The following RANBP17 variants were observed in gnomAD, a reference collection of about 807,000 sequenced individuals.
RANBP17 encodes the protein RAN binding protein 17.
A neutral mutation model predicts 141.2 loss-of-function variants in RANBP17; 158 were observed. The ratio of observed to expected loss-of-function variants is 1.12; its 90% CI spans 0.98 to 1.28. RANBP17 has a LOEUF of 1.28. Among genes scored for constraint, RANBP17 ranks in the 50% most tolerant of loss-of-function variants. The pLI is 0.00. For synonymous variants in RANBP17, 430 were observed against 450.0 expected (o/e 0.96, Z 0.56); for missense variants, 1,438 against 1,290.7 (o/e 1.11, Z -1.75).
At chr5:170,958,886 A>G (rs1052757247) in intron 13 of RANBP17, among the ~76,000 whole-genome samples, 2 of 152,230 alleles carry the variant, frequency 1.3e-5, no homozygotes, top group African/African-American at 4.8e-5. Flanking sequence ...TTCATTCATC[A>G]TGACTAAAAT....
intron 14 of RANBP17, among the ~76,000 whole-genome samples, chr5:171,152,264 T>G (rs1414673203): frequency 1.4e-5 from 2 of 147,178 alleles, no homozygotes; most frequent in African/African-American, 2.5e-5. Flanking sequence ...AAAAAAAAAG[T>G]AAAAAATTAG....
At chr5:170,909,096 A>C (rs1222581893) in intron 5 of RANBP17, among the ~76,000 whole-genome samples, 2 of 151,832 alleles carry the variant, frequency 1.3e-5, no homozygotes, top group East Asian at 3.8e-4. Context: ...TATTCTTAAA[A>C]ATTATTTGTC....
At chr5:171,124,415 T>C (rs1333809736) in intron 14 of RANBP17, among the ~76,000 whole-genome samples, 3 of 152,000 alleles carry the variant, frequency 2.0e-5, no homozygotes, top group African/African-American at 7.2e-5. Context: ...GGGGAAGAGA[T>C]GGAAAAGTCA....
chr5:171,074,346 C>G (rs1037351959), intron 14 of RANBP17, among the ~76,000 whole-genome samples: 1 of 152,106 alleles, frequency 6.6e-6, no homozygotes, highest in Non-Finnish European at 1.5e-5. Context: ...GAAAAGCTAT[C>G]AGATTGGAGA....
At chr5:170,867,196 A>G (rs1020249426) in intron 1 of RANBP17, 3 of 152,186 alleles carry the variant, frequency 2.0e-5, no homozygotes, top group African/African-American at 7.2e-5. Context: ...GGAAATAAAG[A>G]GTGGCAATTT....
chr5:170,891,722 A>C (rs1404703489), intron 3 of RANBP17, among the ~76,000 whole-genome samples: 1 of 152,128 alleles, frequency 6.6e-6, no homozygotes, highest in East Asian at 1.9e-4. Flanking sequence ...AGTGAAAATT[A>C]CTATCATGAG....
intron 13 of RANBP17, among the ~76,000 whole-genome samples, chr5:170,964,835 G>T (rs1359480994): frequency 1.3e-5 from 2 of 152,180 alleles, no homozygotes; most frequent in East Asian, 3.9e-4. Flanking sequence ...CTTTGCTATT[G>T]TGAATAGTGC....
intron 14 of RANBP17, among the ~76,000 whole-genome samples, chr5:170,978,893 A>AGAGTT: frequency 2.0e-5 from 3 of 152,172 alleles, no homozygotes; most frequent in Non-Finnish European, 2.9e-5. Context: ...CTGGTGTGTA[A>AGAGTT]TTGTGTAAAA....
At chr5:171,053,982 CTA>C (rs1783170377) in intron 14 of RANBP17, among the ~76,000 whole-genome samples, 1 of 143,568 alleles carries the variant, frequency 7.0e-6, no homozygotes, top group South Asian at 2.2e-4. Context: ...ACTGAAATGA[CTA>C]TTTTATCAAT....
intron 14 of RANBP17, among the ~76,000 whole-genome samples, chr5:171,087,348 T>C (rs1386822660): frequency 6.6e-6 from 1 of 152,114 alleles, no homozygotes; most frequent in African/African-American, 2.4e-5. Flanking sequence ...ATAATTTCTG[T>C]TCTTTTACAT....
chr5:171,033,330 A>G (rs4242162), intron 14 of RANBP17, among the ~76,000 whole-genome samples: 151,933 of 152,320 alleles, frequency 1, 75,776 homozygotes, highest in Middle Eastern at 1. Context: ...ATGAATACAG[A>G]TTTAAAATAT....
chr5:171,243,810 C>T (rs1271616738), intron 24 of RANBP17, among the ~76,000 whole-genome samples: 1 of 152,148 alleles, frequency 6.6e-6, no homozygotes, highest in African/African-American at 2.4e-5. Flanking sequence ...CGCGGTGGCT[C>T]AGCCTGTAAT....
At chr5:171,143,384 G>GC (rs1757828949) in intron 14 of RANBP17, 1 of 152,168 alleles carries the variant, frequency 6.6e-6, no homozygotes, top group African/African-American at 2.4e-5. Flanking sequence ...GAGGAGCTTG[G>GC]CAAGTTATCT....
At chr5:170,862,244 G>T (rs1322416251) in intron 1 of RANBP17, among the ~76,000 whole-genome samples, 193 bp downstream of exon 1, 4 of 152,186 alleles carry the variant, frequency 2.6e-5, no homozygotes. Flanking sequence ...CCCAGGCCCG[G>T]GCCGGAGCCC....
At position 170,939,364 on chromosome 5, in the gene RANBP17, TTTA is replaced by T. The variant is rs1270126586; in HGVS notation, c.1469-14230_1469-14228del. On this transcript the variant is annotated intron_variant, in intron 12 of 27. Transcript: ENST00000523189. Reference sequence around the variant, plus strand: ...TGGTAAACTCAAAAATTTTATTTTATTTATTTATTTATTTATTTATTTATTTAT... The same window carrying T: ...TGGTAAACTCAAAAATTTTATTTTATTTTATTTATTTATTTATTTATTTAT... Among the ~76,000 whole-genome samples the T allele has an allele frequency of 9.6e-3, 879 of 91,236 alleles. 8 individuals carry two copies. Among genetic ancestry groups the T allele is most frequent in the African/African-American group, 0.049 (836 of 16,950 alleles). 59.9% of individuals were successfully genotyped at this position (91,236 alleles called of 152,430 possible).
At chr5:171,120,936 A>G (rs948568896) in intron 14 of RANBP17, among the ~76,000 whole-genome samples, 4 of 152,148 alleles carry the variant, frequency 2.6e-5, no homozygotes, top group Admixed American at 2.0e-4. Flanking sequence ...TGGGTTTGTT[A>G]TGGTTTGGTG....
chr5:170,933,582 TA>T (rs1258382276), intron 12 of RANBP17, among the ~76,000 whole-genome samples: 3 of 152,254 alleles, frequency 2.0e-5, no homozygotes, highest in Admixed American at 2.0e-4. Flanking sequence ...CACAATGCTT[TA>T]AATGTGTCCC....
chr5:171,191,133 A>G (rs925647407), intron 18 of RANBP17, among the ~76,000 whole-genome samples: 5 of 152,208 alleles, frequency 3.3e-5, no homozygotes, highest in African/African-American at 1.2e-4. Flanking sequence ...ATAAGAGGTA[A>G]TTGGCATCTG....
chr5:171,093,939 C>T (rs1786494649), intron 14 of RANBP17, among the ~76,000 whole-genome samples: 1 of 152,026 alleles, frequency 6.6e-6, no homozygotes, highest in Non-Finnish European at 1.5e-5. Flanking sequence ...GTAAGTTGCC[C>T]CATAAATGGT....
Sources: gnomAD v4.1 joint callset for allele counts (sites outside exome capture counted in the v4.1 genomes callset) on GRCh38, gnomAD v4.1.1 for gene constraint, MANE v1.5 for transcripts, NCBI Gene and HGNC (gene_info 2026-07-23, HGNC 2026-07-21) for gene names.